Variants in CRNKL1 observed in about 807,000 individuals in gnomAD.
CRNKL1 encodes crooked neck-like protein 1.
Under a neutral mutation model 103.7 loss-of-function variants are expected in CRNKL1, and 35 were observed. That is an observed-to-expected ratio of 0.34 (90% CI 0.26 to 0.45). The LOEUF (loss-of-function observed/expected upper bound fraction) is 0.45. Ranked by LOEUF, CRNKL1 falls within the 20% of genes least tolerant of loss-of-function variation. The pLI is 1.00. For synonymous variants in CRNKL1, 267 were observed against 282.6 expected, an observed-to-expected ratio of 0.94 and a Z score of 0.55; for missense variants, 645 against 836.0, an observed-to-expected ratio of 0.77 and a Z score of 2.82.
chr20:20,040,974 A>AT (rs2043503157), intron 9 of CRNKL1, among the ~76,000 whole-genome samples: 1 of 152,196 alleles, frequency 6.6e-6, no homozygotes, highest in South Asian at 2.1e-4. Flanking sequence ...CAGATACTAT[A>AT]TTGTACTGCA....
chr20:20,036,475 T>A (rs956817873), intron 13 of CRNKL1, 113 bp from the exon 14 acceptor site: 1 of 981,022 alleles, frequency 1.0e-6, no homozygotes, highest in Non-Finnish European at 1.5e-6. Flanking sequence ...CAAAATAACA[T>A]CAAAGTCTAC....
intron 5 of CRNKL1, 77 bp downstream of exon 5, chr20:20,047,688 T>A: frequency 6.9e-7 from 1 of 1,446,272 alleles, no homozygotes; most frequent in Non-Finnish European, 9.5e-7. Context: ...TGTGTCCTGA[T>A]CATGAGACAT....
intron 1 of CRNKL1, among the ~76,000 whole-genome samples, chr20:20,051,088 T>A (rs991581776): frequency 6.6e-6 from 1 of 152,206 alleles, no homozygotes; most frequent in African/African-American, 2.4e-5. Flanking sequence ...TAAGTTCTCA[T>A]CATTAGACTG....
rs543473135 is a variant in CRNKL1 at position 20,037,290 on chromosome 20, G to A, written c.1896+33C>T. On this transcript the variant is annotated intron_variant, in intron 13 of 13. Transcript: ENST00000536226. ...TCAGAAGTGTTTCTACTCATGTGAC[G>A]TGAGATGAACAGTCCCAGGGCAGAG... 1.5e-4 allele frequency: 245 copies of A among 1,598,624 alleles called. 2 individuals carry two copies. The South Asian group carries it at 1.9e-3, about 12-fold the overall frequency.
intron 3 of CRNKL1, 149 bp downstream of exon 3, chr20:20,049,191 G>C (rs2043643652): frequency 3.6e-6 from 2 of 557,756 alleles, no homozygotes; most frequent in Non-Finnish European, 6.3e-6. Flanking sequence ...AGGCCCTCAA[G>C]GGAACCCTAG....
chr20:20,052,592 G>T (rs1435226093), upstream of CRNKL1: 1 of 1,613,734 alleles, frequency 6.2e-7, no homozygotes, highest in African/African-American at 1.3e-5. Context: ...TGCGGATGAG[G>T]TGGGTAACGC....
At position 20,035,325 on chromosome 20, in the gene CRNKL1, TA is replaced by T. The variant is rs2043402573; in HGVS notation, c.*869del. The T allele has an allele frequency of 6.6e-6, 1 of 152,154 alleles. No homozygotes were observed. Among genetic ancestry groups the T allele is most frequent in the African/African-American group, 2.4e-5 (1 of 41,432 alleles). 9.4% of individuals were successfully genotyped at this position (152,154 alleles called of 1,614,324 possible). The stretch of plus-strand genomic sequence containing the variant: ...AAGCCTAACTATAAAGAGATTTGAT[TA>T]ACGAGACTTAAGTCTTAGTCCAGAA... On this transcript the variant is annotated 3_prime_UTR_variant, in exon 14 of 14. Coordinates refer to ENST00000536226, the MANE Select transcript of CRNKL1 (RefSeq NM_001278628.2).
chr20:20,041,514 A>G, intron 9 of CRNKL1, 52 bp downstream of exon 9: 1 of 1,345,430 alleles, frequency 7.4e-7, no homozygotes, highest in Non-Finnish European at 1.1e-6. Context: ...TTCACAAGTA[A>G]CAGAAGAGGA....
At chr20:20,054,000 G>GTTTTTT (rs772688050), upstream of CRNKL1, among the ~76,000 whole-genome samples, 1 of 99,430 alleles carries the variant, frequency 1.0e-5, no homozygotes, top group Non-Finnish European at 2.2e-5. Context: ...CTCTGTGTGT[G>GTTTTTT]TTTTTTTTGT....
At chr20:20,048,754 G>C (rs6112734) in intron 3 of CRNKL1, among the ~76,000 whole-genome samples, 12,311 of 152,282 alleles carry the variant, frequency 0.081, 1,390 homozygotes, top group East Asian at 0.6. Context: ...AGGAAGAAAT[G>C]AAAATGTTTG....
chr20:20,038,756 A>ATG (rs2043463617), intron 11 of CRNKL1: 1 of 262,662 alleles, frequency 3.8e-6, no homozygotes, highest in Non-Finnish European at 7.2e-6. Context: ...GGTACTCCAT[A>ATG]TTCTAGCCAC....
Position 20,034,837 on chromosome 20 carries a change from G to A in CRNKL1, c.*1358C>T, listed in dbSNP as rs377622100. ...AGATAAAATTTAGTAACAACATTAC[G>A]AAGTAGCTTTTATTCCCTTGGGTGA... On this transcript the variant is annotated 3_prime_UTR_variant, in exon 14 of 14. Coordinates refer to ENST00000536226, the MANE Select transcript of CRNKL1 (RefSeq NM_001278628.2). 3 of 152,204 alleles carry A rather than the reference G, an allele frequency of 2.0e-5. No homozygotes were observed. Among genetic ancestry groups the A allele is most frequent in the South Asian group, 2.1e-4 (1 of 4,824 alleles). The allele number at this position is 152,204 out of a possible 1,614,324, so 9.4% of individuals were successfully genotyped here.
chr20:20,039,628 G>T lies in CRNKL1; in HGVS notation c.1526C>A (p.Pro509Gln), dbSNP rs1260008038. The change falls in exon 11 of 14, where the codon CCA becomes CAA. Residue 509 changes from proline to glutamine, a missense_variant. Pro to Gln is a moderately conservative substitution (Grantham distance 76, BLOSUM62 -1). This residue lies in a region of CRNKL1 where 582 missense variants were observed against 707.7 expected (regional missense o/e 0.82). Transcript: ENST00000536226. Reference protein sequence around the residue: ...RAIYELAISQPRLDMPEVLWK... With the variant: ...RAIYELAISQQRLDMPEVLWK... ...GCTCACCTCTGGCATGTCTAAACGT[G>T]GCTGACTGATGGCTAATTCATAGAT... 1.4e-5 allele frequency: 23 copies of T among 1,614,158 alleles called. No homozygotes were observed. The highest frequency in any genetic ancestry group is 1.9e-5 in the Non-Finnish European group (22 of 1,180,022).
intron 5 of CRNKL1, among the ~76,000 whole-genome samples, chr20:20,047,219 T>A (rs561405753): frequency 6.6e-6 from 1 of 152,340 alleles, no homozygotes; most frequent in Admixed American, 6.5e-5. Context: ...GGGTTCCATA[T>A]CTGTGGATTC....
At chr20:20,042,180 T>G in intron 8 of CRNKL1, 145 bp downstream of exon 8, 1 of 672,684 alleles carries the variant, frequency 1.5e-6, no homozygotes. Flanking sequence ...AGAGCGAATA[T>G]ATAACTGTAT....
upstream of CRNKL1, among the ~76,000 whole-genome samples, chr20:20,054,744 A>T (rs988852765): frequency 2.6e-5 from 4 of 152,202 alleles, no homozygotes; most frequent in Admixed American, 2.6e-4. Flanking sequence ...CATGAGAAAT[A>T]TTCTGTCAGT....
chr20:20,037,634 A>C (rs958873224), intron 12 of CRNKL1, 63 bp from the exon 13 acceptor site: 117 of 1,507,056 alleles, frequency 7.8e-5, no homozygotes, highest in Non-Finnish European at 9.5e-5. Context: ...TAATGTAGTA[A>C]TAATAAAGCG....
rs769203360 is a variant in CRNKL1 at position 20,047,818 on chromosome 20, T to C, written c.569A>G (p.Asn190Ser). ...PEEQAWHSYI[N>S]FELRYKEVDR... ...CACCTCTTTGTATCTCAGCTCAAAG[T>C]TGATGTAGGAGTGCCAGGCTTGCTC... The change falls in exon 5 of 14, where the codon AAC becomes AGC. Residue 190 changes from asparagine to serine, a missense_variant. Asn to Ser is a conservative substitution (Grantham distance 46). This residue lies in a region of CRNKL1 where 582 missense variants were observed against 707.7 expected (regional missense o/e 0.82). Coordinates refer to ENST00000536226, the MANE Select transcript of CRNKL1 (RefSeq NM_001278628.2). 9 of 1,614,226 alleles carry C rather than the reference T, an allele frequency of 5.6e-6. No homozygotes were observed. The highest frequency in any genetic ancestry group is 1.1e-5 in the South Asian group (1 of 91,082).
At position 20,034,485 on chromosome 20, in the gene CRNKL1, A is replaced by G. The variant is rs1193930755; in HGVS notation, c.*1710T>C. ...TTCCTTCCAGCTTTCACACTGGCAC[A>G]TGCTTATTACAATTCTACCTTGGGA... On this transcript the variant is annotated 3_prime_UTR_variant, in exon 14 of 14. Transcript: ENST00000536226. 6.6e-6 allele frequency: 1 copy of G among 152,222 alleles called. No individual in the cohort carries two copies. Among genetic ancestry groups the G allele is most frequent in the Non-Finnish European group, 1.5e-5 (1 of 68,048 alleles). The allele number at this position is 152,222 out of a possible 1,614,324, so 9.4% of individuals were successfully genotyped here.
Sources: gnomAD v4.1 joint callset for allele counts (sites outside exome capture counted in the v4.1 genomes callset) on GRCh38, gnomAD v4.1.1 for gene constraint, gnomAD v4.1.1 regional missense constraint, MANE v1.5 for transcripts, NCBI Gene and HGNC (gene_info 2026-07-23, HGNC 2026-07-21) for gene names.